Variants in SKAP2 observed in about 807,000 individuals in gnomAD.
SKAP2 encodes src kinase-associated phosphoprotein 2.
Under a neutral mutation model 54.9 loss-of-function variants are expected in SKAP2, and 28 were observed. The observed-to-expected ratio is 0.51, with a 90% CI of 0.38 to 0.70. The LOEUF (loss-of-function observed/expected upper bound fraction) is 0.70. SKAP2 is among the 30% of genes least tolerant of loss of function. The probability of loss-of-function intolerance (pLI) is 0.00; values close to 1 mark genes in which losing one functional copy is unlikely to be tolerated. For missense variants in SKAP2, 356 were observed against 424.1 expected (o/e 0.84, Z 1.41); for synonymous variants, 137 against 134.3 (o/e 1.02, Z -0.14).
intron 3 of SKAP2, among the ~76,000 whole-genome samples, chr7:26,844,640 T>C (rs906797931): frequency 6.6e-6 from 1 of 152,162 alleles, no homozygotes; most frequent in Non-Finnish European, 1.5e-5. Context: ...ATTTTATACA[T>C]TTTTATACAT....
At chr7:26,699,697 G>A (rs1209749580) in intron 9 of SKAP2, among the ~76,000 whole-genome samples, 1 of 151,996 alleles carries the variant, frequency 6.6e-6, no homozygotes, top group Non-Finnish European at 1.5e-5. Context: ...AAGCTTTTAA[G>A]GGTCCTTGAT....
intron 9 of SKAP2, among the ~76,000 whole-genome samples, chr7:26,696,752 A>G (rs1584336670): frequency 6.6e-6 from 1 of 152,320 alleles, no homozygotes; most frequent in East Asian, 1.9e-4. Context: ...ATTGGATTGT[A>G]GTAAATTTCT....
chr7:26,773,815 C>A (rs1001823385), intron 4 of SKAP2, among the ~76,000 whole-genome samples: 2 of 152,074 alleles, frequency 1.3e-5, no homozygotes, highest in Non-Finnish European at 2.9e-5. Context: ...AAAACAATAA[C>A]CATAAATATT....
In SKAP2 at chr7:26,778,513, T is replaced by C. The variant is rs181453467; in HGVS notation, c.308-38549A>G. 1.2e-4 allele frequency among the ~76,000 whole-genome samples: 18 copies of C among 152,190 alleles called. No individual in the cohort carries two copies. In the East Asian group the frequency reaches 2.5e-3, roughly 21 times the overall value. On this transcript the variant is annotated intron_variant, in intron 4 of 12. Coordinates refer to ENST00000345317, the MANE Select transcript of SKAP2 (RefSeq NM_003930.5). The stretch of plus-strand genomic sequence containing the variant: ...GCAAAGAACTTTGAACTGATGGACA[T>C]ATTTCTATCACTGCATCCATTATTC...
chr7:26,800,544 AT>A (rs1783891161), intron 4 of SKAP2, among the ~76,000 whole-genome samples: 5 of 152,182 alleles, frequency 3.3e-5, no homozygotes, highest in Admixed American at 3.3e-4. Context: ...TTTTAAAAAA[AT>A]ACAAAAGATC....
the SKAP2 span, among the ~76,000 whole-genome samples, chr7:26,655,602 T>C: frequency 6.6e-6 from 1 of 152,234 alleles, no homozygotes; most frequent in Non-Finnish European, 1.5e-5. Flanking sequence ...TTGGTTACAA[T>C]GGCTCAGTAA....
At chr7:26,803,942 G>A (rs1783968357) in intron 4 of SKAP2, among the ~76,000 whole-genome samples, 1 of 152,194 alleles carries the variant, frequency 6.6e-6, no homozygotes, top group African/African-American at 2.4e-5. Context: ...CATAGACACG[G>A]AGTGTAGAGG....
chr7:26,844,447 G>C (rs1784884221), intron 3 of SKAP2, among the ~76,000 whole-genome samples: 1 of 151,938 alleles, frequency 6.6e-6, no homozygotes, highest in Non-Finnish European at 1.5e-5. Context: ...AGTAGAAGCA[G>C]GGTAAAACAG....
At chr7:26,790,138 T>C (rs1020279603) in intron 4 of SKAP2, among the ~76,000 whole-genome samples, 4 of 152,324 alleles carry the variant, frequency 2.6e-5, no homozygotes, top group African/African-American at 7.2e-5. Context: ...AACACCTTTA[T>C]GAGCTGAATT....
chr7:26,857,067 T>C (rs1785177970), intron 1 of SKAP2, among the ~76,000 whole-genome samples: 1 of 151,398 alleles, frequency 6.6e-6, no homozygotes, highest in African/African-American at 2.4e-5. Context: ...TACTATTTTA[T>C]GACAAAGTTT....
At chr7:26,676,956 G>C (rs1402836932) in intron 11 of SKAP2, among the ~76,000 whole-genome samples, 6 of 152,340 alleles carry the variant, frequency 3.9e-5, no homozygotes, top group African/African-American at 1.2e-4. Context: ...TCAGTGAAGA[G>C]TAAGTAGTTG....
intron 4 of SKAP2, among the ~76,000 whole-genome samples, chr7:26,748,589 C>T (rs1782609728): frequency 1.3e-5 from 2 of 152,022 alleles, no homozygotes; most frequent in Non-Finnish European, 1.5e-5. Context: ...TAGTCATCTG[C>T]TCTGTAGCAA....
intron 4 of SKAP2, among the ~76,000 whole-genome samples, chr7:26,810,806 C>A (rs527793464): frequency 6.6e-6 from 1 of 152,042 alleles, no homozygotes; most frequent in Non-Finnish European, 1.5e-5. Context: ...CTCAGCCTCC[C>A]GCGTAGCTGG....
chr7:26,818,119 C>T (rs377598644), intron 4 of SKAP2, among the ~76,000 whole-genome samples: 10 of 152,014 alleles, frequency 6.6e-5, no homozygotes, highest in African/African-American at 2.2e-4. Flanking sequence ...AAAAAGAACC[C>T]GTATAGCCAA....
chr7:26,777,029 A>G (rs1123158), intron 4 of SKAP2, among the ~76,000 whole-genome samples: 58,112 of 152,018 alleles, frequency 0.38, 11,700 homozygotes, highest in Middle Eastern at 0.48. Context: ...CTTTCTCAGG[A>G]AACCAAAATG....
rs1232904419 is a variant in SKAP2 at position 26,667,972 on chromosome 7, A to T, written c.*1694T>A. On this transcript the variant is annotated 3_prime_UTR_variant, in exon 13 of 13. Transcript: ENST00000345317. Reference sequence around the variant, plus strand: ...TATATGAGGAAAAGGTAAGAACTGCACAAATGTAACTTCTGAAAACTTTAA... The same window carrying T: ...TATATGAGGAAAAGGTAAGAACTGCTCAAATGTAACTTCTGAAAACTTTAA... 6.6e-6 allele frequency: 1 copy of T among 152,330 alleles called. No homozygotes were observed. The allele number at this position is 152,330 out of a possible 1,614,324, so 9.4% of individuals were successfully genotyped here. A position where few individuals can be genotyped will look rare whatever the true frequency, so the allele number is the denominator to read the frequency against.
chr7:26,685,095 TG>T (rs1786601173), intron 10 of SKAP2, among the ~76,000 whole-genome samples: 1 of 152,212 alleles, frequency 6.6e-6, no homozygotes, highest in Non-Finnish European at 1.5e-5. Flanking sequence ...ATCTAAAATC[TG>T]TAATTGCTAT....
chr7:26,855,518 C>T (rs1785143661), intron 1 of SKAP2, among the ~76,000 whole-genome samples: 1 of 152,086 alleles, frequency 6.6e-6, no homozygotes, highest in African/African-American at 2.4e-5. Context: ...TTTGTGAGCT[C>T]TTGCTTCTTG....
intron 11 of SKAP2, among the ~76,000 whole-genome samples, chr7:26,682,221 A>G (rs1584327621): frequency 6.6e-6 from 1 of 152,336 alleles, no homozygotes; most frequent in East Asian, 1.9e-4. Context: ...AGTTTGCCAA[A>G]GTTTCAATAA....
Sources: gnomAD v4.1 joint callset for allele counts (sites outside exome capture counted in the v4.1 genomes callset) on GRCh38, gnomAD v4.1.1 for gene constraint, MANE v1.5 for transcripts, NCBI Gene and HGNC (gene_info 2026-07-23, HGNC 2026-07-21) for gene names.